The following PRKN variants were observed in gnomAD, a reference collection of about 807,000 sequenced individuals.
The protein encoded by PRKN is parkin RBR E3 ubiquitin protein ligase.
PRKN carries 56 observed loss-of-function variants against 59.5 expected under a neutral mutation model. That is an observed-to-expected ratio of 0.94 (90% CI 0.76 to 1.18). The LOEUF (loss-of-function observed/expected upper bound fraction) is 1.18. Among genes scored for constraint, PRKN ranks in the 50% most tolerant of loss-of-function variants. PRKN has a pLI of 0.00. For missense variants in PRKN, 657 were observed against 596.4 expected, an observed-to-expected ratio of 1.10 and a Z score of -1.06; for synonymous variants, 250 against 222.1, an observed-to-expected ratio of 1.13 and a Z score of -1.12.
At chr6:161,617,079 C>T (rs1469602983) in intron 7 of PRKN, among the ~76,000 whole-genome samples, 2 of 152,118 alleles carry the variant, frequency 1.3e-5, no homozygotes, top group Non-Finnish European at 2.9e-5. Flanking sequence ...CTGTTGTTTC[C>T]TGACTTTTTA....
At chr6:162,715,107 C>T (rs531848860) in intron 1 of PRKN, among the ~76,000 whole-genome samples, 3 of 152,238 alleles carry the variant, frequency 2.0e-5, no homozygotes, top group East Asian at 3.9e-4. Context: ...TAGTTACTTC[C>T]CCTATTTGTT....
At chr6:162,244,047 T>C (rs545820141) in intron 3 of PRKN, among the ~76,000 whole-genome samples, 1 of 152,224 alleles carries the variant, frequency 6.6e-6, no homozygotes, top group Admixed American at 6.5e-5. Flanking sequence ...TAGAAACACT[T>C]GGTATATACT....
At chr6:162,100,435 T>C (rs931407454) in intron 4 of PRKN, among the ~76,000 whole-genome samples, 2 of 151,806 alleles carry the variant, frequency 1.3e-5, no homozygotes, top group African/African-American at 2.4e-5. Context: ...TATCACTTAT[T>C]ATCTCTTGTC....
intron 1 of PRKN, among the ~76,000 whole-genome samples, chr6:162,656,059 A>G (rs1194949871): frequency 6.6e-6 from 1 of 152,202 alleles, no homozygotes; most frequent in African/African-American, 2.4e-5. Context: ...ATCAATCTAT[A>G]TGATTCTAAA....
chr6:162,604,589 G>A (rs969395151), intron 1 of PRKN, among the ~76,000 whole-genome samples: 1 of 151,612 alleles, frequency 6.6e-6, no homozygotes, highest in Non-Finnish European at 1.5e-5. Context: ...CTGGGTCCAT[G>A]TTTTTCCCCC....
intron 9 of PRKN, among the ~76,000 whole-genome samples, chr6:161,455,674 G>A (rs111843159): frequency 6.6e-6 from 1 of 151,800 alleles, no homozygotes; most frequent in South Asian, 2.1e-4. Context: ...GACCATCTTG[G>A]CCAACATGGT....
intron 7 of PRKN, among the ~76,000 whole-genome samples, chr6:161,782,618 G>A (rs1790253032): frequency 6.6e-6 from 1 of 152,300 alleles, no homozygotes; most frequent in South Asian, 2.1e-4. Context: ...GAAAGGCCAG[G>A]TGCAGTGGCT....
chr6:162,599,129 C>A (rs925205458), intron 1 of PRKN, among the ~76,000 whole-genome samples: 7 of 152,092 alleles, frequency 4.6e-5, no homozygotes, highest in African/African-American at 1.7e-4. Context: ...TGTAATCCTT[C>A]CTGCTACAAA....
chr6:161,726,229 C>T (rs572785270), intron 7 of PRKN, among the ~76,000 whole-genome samples: 34 of 152,130 alleles, frequency 2.2e-4, no homozygotes, highest in Non-Finnish European at 3.7e-4. Context: ...CCAGTGGATT[C>T]AAAGATGTGT....
chr6:162,028,317 T>A (rs36041859), intron 5 of PRKN, among the ~76,000 whole-genome samples: 1 of 152,338 alleles, frequency 6.6e-6, no homozygotes, highest in East Asian at 1.9e-4. Context: ...GGAACAAGTA[T>A]GTCAATGTTT....
rs962163853 is a variant in PRKN at position 161,487,597 on chromosome 6, C to T, written c.1083+61257G>A. Among the ~76,000 whole-genome samples the T allele has an allele frequency of 2.0e-5, 3 of 152,128 alleles. No homozygotes were observed. Among genetic ancestry groups the T allele is most frequent in the Non-Finnish European group, 4.4e-5 (3 of 68,014 alleles). ...TAGGTAAACTAAGATCTATTTTAGA[C>T]TTGCAAACAACTACAAGGAGAAATT... On this transcript the variant is annotated intron_variant, in intron 9 of 11. Coordinates refer to ENST00000366898, the MANE Select transcript of PRKN (RefSeq NM_004562.3). The surrounding 1 kb of genome is among the most constrained non-coding windows in gnomAD (Gnocchi z 5.3).
In PRKN at chr6:162,663,479, C is replaced by T. The variant is rs141253159; in HGVS notation, c.7+64183G>A. Among the ~76,000 whole-genome samples, 695 of 151,942 alleles carry T rather than the reference C, an allele frequency of 4.6e-3. 9 individuals carry two copies. Among genetic ancestry groups the T allele is most frequent in the African/African-American group, 0.016 (647 of 41,434 alleles). On this transcript the variant is annotated intron_variant, in intron 1 of 11. Coordinates refer to ENST00000366898, the MANE Select transcript of PRKN (RefSeq NM_004562.3). ...CATCACTGTAAAGTTTAGTAAAAGCCATCTTGAAACTGCTGCATGTCCAGA... is the reference window on the plus strand; with the variant it reads ...CATCACTGTAAAGTTTAGTAAAAGCTATCTTGAAACTGCTGCATGTCCAGA...
At chr6:161,659,625 T>A (rs561176078) in intron 7 of PRKN, among the ~76,000 whole-genome samples, 2 of 152,114 alleles carry the variant, frequency 1.3e-5, no homozygotes, top group South Asian at 4.2e-4. Context: ...TTGGTGTCAC[T>A]CGAGGGACTG....
intron 4 of PRKN, among the ~76,000 whole-genome samples, chr6:162,148,085 A>T (rs1429865789): frequency 6.6e-6 from 1 of 152,190 alleles, no homozygotes; most frequent in Non-Finnish European, 1.5e-5. Flanking sequence ...TTCTGGTAAC[A>T]TCACTGCTTA....
chr6:162,566,253 T>A (rs1475280785), intron 1 of PRKN, among the ~76,000 whole-genome samples: 4 of 151,936 alleles, frequency 2.6e-5, no homozygotes, highest in South Asian at 2.1e-4. Flanking sequence ...CATTTCTATA[T>A]GCCAAGAATT....
intron 6 of PRKN, among the ~76,000 whole-genome samples, chr6:161,911,446 C>T (rs908064714): frequency 2.0e-5 from 3 of 152,088 alleles, no homozygotes; most frequent in East Asian, 3.9e-4. Flanking sequence ...TGATGACTTC[C>T]GGGGTTGTTT....
intron 9 of PRKN, among the ~76,000 whole-genome samples, chr6:161,389,494 T>TCCTTACA (rs1461013661): frequency 6.6e-6 from 1 of 152,238 alleles, no homozygotes; most frequent in Non-Finnish European, 1.5e-5. Flanking sequence ...CATCAGAACG[T>TCCTTACA]CCTTACACAA....
intron 6 of PRKN, among the ~76,000 whole-genome samples, chr6:161,944,239 T>C (rs1256679697): frequency 6.6e-6 from 1 of 152,216 alleles, no homozygotes; most frequent in Non-Finnish European, 1.5e-5. Context: ...TGTTTTTTGA[T>C]ATAATTTCAA....
At chr6:162,289,607 G>T (rs1028548545) in intron 2 of PRKN, among the ~76,000 whole-genome samples, 1 of 151,042 alleles carries the variant, frequency 6.6e-6, no homozygotes, top group Non-Finnish European at 1.5e-5. Flanking sequence ...TGAGGCAGGA[G>T]AATTACTTGA....
Sources: allele counts gnomAD v4.1 joint callset (sites outside exome capture counted in the v4.1 genomes callset), GRCh38; gene constraint gnomAD v4.1.1; non-coding constraint Gnocchi (gnomAD v3.1); transcripts MANE v1.5; gene names NCBI Gene and HGNC (gene_info 2026-07-23, HGNC 2026-07-21).